Variants in SOX6 observed in about 807,000 individuals in gnomAD.
The protein encoded by SOX6 is transcription factor SOX-6.
SOX6 carries 11 observed loss-of-function variants against 97.8 expected under a neutral mutation model. The ratio of observed to expected loss-of-function variants is 0.11; its 90% CI spans 0.07 to 0.19. The LOEUF (loss-of-function observed/expected upper bound fraction) is 0.19. Ranked by LOEUF, SOX6 falls within the 10% of genes least tolerant of loss-of-function variation. The pLI is 1.00. For missense variants in SOX6, 810 were observed against 1,039.5 expected, an observed-to-expected ratio of 0.78 and a Z score of 3.04; for synonymous variants, 360 against 371.4, an observed-to-expected ratio of 0.97 and a Z score of 0.35.
At position 16,422,980 on chromosome 11, in the gene SOX6, A is replaced by G. The variant is rs538965317; in HGVS notation, c.-5+53335T>C. 6.6e-5 allele frequency among the ~76,000 whole-genome samples: 10 copies of G among 152,228 alleles called. No homozygotes were observed. In the East Asian group the frequency reaches 1.5e-3, roughly 24 times the overall value. On this transcript the variant is annotated intron_variant, in intron 1 of 15. Transcript: ENST00000396356. ...CTATAGTCTATTCTTCTAATATCAGATTATTTTTAAATGTAAATTATATCA... is the reference window on the plus strand; with the variant it reads ...CTATAGTCTATTCTTCTAATATCAGGTTATTTTTAAATGTAAATTATATCA...
chr11:16,061,494 ATC>A (rs1222847436), intron 9 of SOX6, among the ~76,000 whole-genome samples: 2 of 151,812 alleles, frequency 1.3e-5, no homozygotes, highest in Non-Finnish European at 2.9e-5. Context: ...ATTCAATTCA[ATC>A]TCTATAAAAA....
chr11:16,718,871 C>T (rs1848238005), intron 2 of SOX6, among the ~76,000 whole-genome samples: 1 of 151,372 alleles, frequency 6.6e-6, no homozygotes, highest in Non-Finnish European at 1.5e-5. Context: ...GTGGCTCATG[C>T]CTGTAATCCC....
At chr11:16,715,855 A>G (rs1564875872) in intron 2 of SOX6, among the ~76,000 whole-genome samples, 1 of 152,224 alleles carries the variant, frequency 6.6e-6, no homozygotes, top group Non-Finnish European at 1.5e-5. Context: ...AAAAAAATCA[A>G]CTGCTTTTCC....
rs557315362 is a variant in SOX6 at position 16,534,862 on chromosome 11, T to C, written n.610-58474A>G. 2.4e-4 allele frequency among the ~76,000 whole-genome samples: 37 copies of C among 152,336 alleles called. No homozygotes were observed. In the South Asian group the frequency reaches 6.8e-3, roughly 28 times the overall value. Reference sequence around the variant, plus strand: ...GCCTTGATGCCATATCCTTTTCCTTTTTCTACAAAGTTCCTATCATTGGAA... The same window carrying C: ...GCCTTGATGCCATATCCTTTTCCTTCTTCTACAAAGTTCCTATCATTGGAA... On this transcript the variant is annotated intron_variant and non_coding_transcript_variant, in intron 4 of 5. Coordinates refer to the SOX6 transcript ENST00000524520.
chr11:16,301,090 A>G (rs968232188), intron 3 of SOX6, among the ~76,000 whole-genome samples: 1 of 152,208 alleles, frequency 6.6e-6, no homozygotes, highest in Non-Finnish European at 1.5e-5. Flanking sequence ...TCCTGAATTT[A>G]ATTCTTATTC....
intron 1 of SOX6, among the ~76,000 whole-genome samples, chr11:16,429,805 G>A (rs543091650): frequency 3.3e-5 from 5 of 152,186 alleles, no homozygotes; most frequent in Admixed American, 2.6e-4. Flanking sequence ...TAACAAACAT[G>A]TACACTTGAA....
At chr11:16,177,729 T>C (rs1165164963) in intron 6 of SOX6, among the ~76,000 whole-genome samples, 1 of 150,148 alleles carries the variant, frequency 6.7e-6, no homozygotes, top group Non-Finnish European at 1.5e-5. Context: ...CTCAATATAA[T>C]GAGAAGGATC....
intron 3 of SOX6, among the ~76,000 whole-genome samples, chr11:16,289,456 A>T (rs529530177): frequency 9.2e-5 from 14 of 152,122 alleles, no homozygotes; most frequent in African/African-American, 3.1e-4. Flanking sequence ...GCGTTCAAAA[A>T]CAACTGAGGT....
intron 1 of SOX6, among the ~76,000 whole-genome samples, chr11:16,433,234 T>C (rs1268618743): frequency 1.3e-5 from 2 of 151,980 alleles, no homozygotes; most frequent in Admixed American, 1.3e-4. Flanking sequence ...ACAAAACACA[T>C]CCATTCGTTA....
intron 3 of SOX6, among the ~76,000 whole-genome samples, chr11:16,625,254 A>G (rs1053513531): frequency 6.6e-6 from 1 of 152,112 alleles, no homozygotes; most frequent in Non-Finnish European, 1.5e-5. Flanking sequence ...TTTCATCTAG[A>G]GATTTTATAG....
chr11:16,248,701 G>T (rs1853414591), intron 3 of SOX6, among the ~76,000 whole-genome samples: 1 of 152,190 alleles, frequency 6.6e-6, no homozygotes, highest in Admixed American at 6.5e-5. Context: ...CTGGCCCACA[G>T]AACCATTTTT....
At chr11:16,572,798 G>A (rs769336053) in intron 4 of SOX6, among the ~76,000 whole-genome samples, 2 of 152,024 alleles carry the variant, frequency 1.3e-5, no homozygotes, top group African/African-American at 2.4e-5. Flanking sequence ...TATTCATAAT[G>A]TCTTTCTGGA....
At chr11:16,044,628 A>T (rs1855772025) in intron 12 of SOX6, among the ~76,000 whole-genome samples, 2 of 152,248 alleles carry the variant, frequency 1.3e-5, no homozygotes, top group South Asian at 4.1e-4. Context: ...TCTGACTTGA[A>T]CTAATCTAGC....
intron 4 of SOX6, among the ~76,000 whole-genome samples, chr11:16,514,815 C>A (rs1361897369): frequency 6.6e-6 from 1 of 150,844 alleles, no homozygotes; most frequent in African/African-American, 2.4e-5. Flanking sequence ...TTTGTGCTTG[C>A]GATAGTTTAC....
At chr11:16,133,283 C>A (rs1484671968) in intron 6 of SOX6, among the ~76,000 whole-genome samples, 3 of 152,156 alleles carry the variant, frequency 2.0e-5, no homozygotes, top group African/African-American at 7.2e-5. Context: ...TCTAGAGATT[C>A]ATTATGCCCT....
intron 4 of SOX6, among the ~76,000 whole-genome samples, chr11:16,211,723 A>G (rs1852239218): frequency 1.3e-5 from 2 of 152,194 alleles, no homozygotes; most frequent in Admixed American, 1.3e-4. Flanking sequence ...CCTGTTCTCC[A>G]CAGTGTCTCA....
At chr11:16,642,646 C>T (rs1174276566) in intron 3 of SOX6, among the ~76,000 whole-genome samples, 3 of 152,102 alleles carry the variant, frequency 2.0e-5, no homozygotes, top group African/African-American at 4.8e-5. Context: ...TTTCTCTTCT[C>T]GCTTCATTTC....
chr11:16,672,538 T>C (rs565535954), intron 3 of SOX6, among the ~76,000 whole-genome samples: 1 of 152,160 alleles, frequency 6.6e-6, no homozygotes, highest in African/African-American at 2.4e-5. Flanking sequence ...TGGATGGCAG[T>C]AGGCAAAAAG....
chr11:15,973,958 T>C (rs570707455), intron 15 of SOX6, among the ~76,000 whole-genome samples: 6 of 152,358 alleles, frequency 3.9e-5, no homozygotes, highest in African/African-American at 1.4e-4. Flanking sequence ...ACATGATTAC[T>C]GTCTCTTAAC....
Sources: allele counts gnomAD v4.1 joint callset (sites outside exome capture counted in the v4.1 genomes callset), GRCh38; gene constraint gnomAD v4.1.1; transcripts MANE v1.5; gene names NCBI Gene and HGNC (gene_info 2026-07-23, HGNC 2026-07-21).